Variants in PTPRT observed in about 807,000 individuals in gnomAD.
PTPRT encodes protein tyrosine phosphatase receptor type T, also known as receptor-type tyrosine-protein phosphatase T.
Under a neutral mutation model 176.8 loss-of-function variants are expected in PTPRT, and 56 were observed. That is an observed-to-expected ratio of 0.32 (90% confidence interval 0.26 to 0.40). The LOEUF is 0.40. Among genes scored for constraint, PTPRT ranks in the 10% least tolerant of loss-of-function variants. The pLI, the probability that PTPRT is intolerant of heterozygous loss-of-function variation, is 1.00. For synonymous variants in PTPRT, 783 were observed against 739.0 expected, an observed-to-expected ratio of 1.06 and a Z score of -0.96; for missense variants, 1,540 against 1,908.2, an observed-to-expected ratio of 0.81 and a Z score of 3.60.
chr20:42,758,295 C>G (rs1294356943), intron 5 of PTPRT, among the ~76,000 whole-genome samples: 1 of 152,208 alleles, frequency 6.6e-6, no homozygotes, highest in Non-Finnish European at 1.5e-5. Context: ...AACCTACTTT[C>G]ATCTATGTCA....
intron 1 of PTPRT, among the ~76,000 whole-genome samples, chr20:43,038,096 T>C (rs1986458392): frequency 6.6e-6 from 1 of 151,302 alleles, no homozygotes; most frequent in Non-Finnish European, 1.5e-5. Context: ...CAGTCATATG[T>C]TTGGCTGCAT....
At chr20:42,535,737 T>C (rs893503251) in intron 7 of PTPRT, among the ~76,000 whole-genome samples, 3 of 152,160 alleles carry the variant, frequency 2.0e-5, no homozygotes, top group African/African-American at 7.2e-5. Context: ...CCTGCAGTGA[T>C]AGGGCCCTGT....
rs375342770 is a variant in PTPRT, at chr20:43,127,219, G to C, written c.88+62427C>G. 5.5e-3 allele frequency among the ~76,000 whole-genome samples: 840 copies of C among 152,070 alleles called. 8 individuals carry two copies. The highest frequency in any genetic ancestry group is 0.015 in the African/African-American group (607 of 41,488). On this transcript the variant is annotated intron_variant, in intron 1 of 30. Transcript: ENST00000373187. ...CGGGCGGATCACAAGGTCAGGAGAT[G>C]GAGACCATCCTGGCTAACATGGTGA...
intron 8 of PTPRT, among the ~76,000 whole-genome samples, chr20:42,465,906 T>G (rs1039298529): frequency 3.3e-5 from 5 of 152,150 alleles, no homozygotes; most frequent in African/African-American, 7.2e-5. Context: ...GCATTAACTA[T>G]TTATCCTGAT....
chr20:42,971,728 C>A (rs1300149576), intron 1 of PTPRT, among the ~76,000 whole-genome samples: 4 of 152,176 alleles, frequency 2.6e-5, no homozygotes, highest in Non-Finnish European at 5.9e-5. Context: ...TGCACAGGAT[C>A]GCCAACACAC....
chr20:42,436,209 C>T (rs1027480293), intron 9 of PTPRT, among the ~76,000 whole-genome samples: 2 of 152,044 alleles, frequency 1.3e-5, no homozygotes, highest in Middle Eastern at 3.2e-3. Context: ...CTTAAGGACA[C>T]AAAATGTGTT....
chr20:42,233,802 T>A (rs1470193921), intron 15 of PTPRT, among the ~76,000 whole-genome samples: 1 of 152,220 alleles, frequency 6.6e-6, no homozygotes, highest in African/African-American at 2.4e-5. Context: ...CCTATCCAGA[T>A]GCTTCTGCAT....
chr20:42,965,904 C>G (rs1486688912), intron 1 of PTPRT, among the ~76,000 whole-genome samples: 1 of 152,158 alleles, frequency 6.6e-6, no homozygotes, highest in Non-Finnish European at 1.5e-5. Flanking sequence ...GAAAATTCTA[C>G]AACAACAGTA....
At chr20:42,552,465 C>T (rs1441197978) in intron 7 of PTPRT, among the ~76,000 whole-genome samples, 3 of 152,036 alleles carry the variant, frequency 2.0e-5, no homozygotes, top group Non-Finnish European at 4.4e-5. Flanking sequence ...AAAATAAATG[C>T]TAGATGAAAT....
intron 2 of PTPRT, among the ~76,000 whole-genome samples, chr20:42,798,103 T>C (rs2077478520): frequency 6.6e-6 from 1 of 152,200 alleles, no homozygotes; most frequent in Admixed American, 6.5e-5. Context: ...TGCTAGGCTT[T>C]TGCCCAGGTG....
At chr20:42,066,204 G>GC in the PTPRT span, among the ~76,000 whole-genome samples, 1 of 134,740 alleles carries the variant, frequency 7.4e-6, no homozygotes, top group South Asian at 2.7e-4. Context: ...CATGACGGCT[G>GC]ATTTTTTTTG....
intron 1 of PTPRT, among the ~76,000 whole-genome samples, chr20:42,988,639 C>CT (rs1402034766): frequency 6.6e-6 from 1 of 152,200 alleles, no homozygotes; most frequent in African/African-American, 2.4e-5. Context: ...GAGCCACTGA[C>CT]TTTTTATTAG....
intron 16 of PTPRT, among the ~76,000 whole-genome samples, chr20:42,197,928 T>G (rs1160154067): frequency 6.6e-6 from 1 of 152,246 alleles, no homozygotes; most frequent in Non-Finnish European, 1.5e-5. Flanking sequence ...GCATAGCTAT[T>G]GCCTCTGTCC....
At chr20:43,111,547 A>G (rs895285809) in intron 1 of PTPRT, among the ~76,000 whole-genome samples, 4 of 41,426 alleles carry the variant, frequency 9.7e-5, no homozygotes, top group African/African-American at 1.8e-4. Flanking sequence ...CCGTCTCAGG[A>G]AAAAAAAAAA....
chr20:42,669,908 C>T (rs867771679), intron 7 of PTPRT, among the ~76,000 whole-genome samples: 3 of 152,102 alleles, frequency 2.0e-5, no homozygotes, highest in African/African-American at 7.2e-5. Flanking sequence ...GAAGCATCTG[C>T]GTAACATGGT....
At chr20:42,440,481 C>CTTT (rs759500806) in intron 9 of PTPRT, among the ~76,000 whole-genome samples, 1 of 138,526 alleles carries the variant, frequency 7.2e-6, no homozygotes, top group Admixed American at 7.2e-5. Context: ...TTGTTTCTTT[C>CTTT]TTTTTTTTTT....
intron 1 of PTPRT, among the ~76,000 whole-genome samples, chr20:43,145,546 T>G (rs2014144743): frequency 1.3e-5 from 2 of 152,204 alleles, no homozygotes; most frequent in Admixed American, 1.3e-4. Context: ...ATTCTCCAAT[T>G]TAAATACTTG....
At chr20:42,761,909 T>C (rs2076921033) in intron 5 of PTPRT, among the ~76,000 whole-genome samples, 1 of 152,216 alleles carries the variant, frequency 6.6e-6, no homozygotes. Context: ...TGCCACCTAG[T>C]ACTAAACAGT....
At chr20:42,335,492 C>G (rs1391987904) in intron 11 of PTPRT, among the ~76,000 whole-genome samples, 2 of 152,018 alleles carry the variant, frequency 1.3e-5, no homozygotes, top group Non-Finnish European at 2.9e-5. Flanking sequence ...AAAAGCTTCC[C>G]CCTTCTCCAA....
Sources: gnomAD v4.1 joint callset for allele counts (sites outside exome capture counted in the v4.1 genomes callset) on GRCh38, gnomAD v4.1.1 for gene constraint, MANE v1.5 for transcripts, NCBI Gene and HGNC (gene_info 2026-07-23, HGNC 2026-07-21) for gene names.